Variants in PIGN observed in about 807,000 individuals in gnomAD.
The protein encoded by PIGN is phosphatidylinositol glycan anchor biosynthesis class N, also known as GPI ethanolamine phosphate transferase 1.
In PIGN, 117 loss-of-function variants were observed where a neutral mutation model predicts 125.4. The observed-to-expected ratio is 0.93, with a 90% confidence interval of 0.80 to 1.09. The LOEUF is 1.09. Ranked by LOEUF, PIGN falls within the 50% of genes least tolerant of loss-of-function variation. The probability of loss-of-function intolerance (pLI) is 0.00; values close to 1 mark genes in which losing one functional copy is unlikely to be tolerated. For synonymous variants in PIGN, 392 were observed against 377.8 expected (o/e 1.04, Z -0.44); for missense variants, 1,075 against 1,094.9 (o/e 0.98, Z 0.26).
intron 15 of PIGN, 49 bp from the exon 16 acceptor site, chr18:62,113,365 C>T (rs2034959903): frequency 7.0e-7 from 1 of 1,423,818 alleles, no homozygotes; most frequent in Non-Finnish European, 9.5e-7. Flanking sequence ...AATAAGAAAA[C>T]CTACATTTTA....
chr18:62,147,653 G>A (rs1252606517), intron 8 of PIGN, among the ~76,000 whole-genome samples: 1 of 152,198 alleles, frequency 6.6e-6, no homozygotes, highest in Non-Finnish European at 1.5e-5. Flanking sequence ...TACAGCCACT[G>A]TTAGGCTAAT....
At chr18:62,105,264 A>G (rs1038069735) in intron 20 of PIGN, 2 of 220,630 alleles carry the variant, frequency 9.1e-6, no homozygotes, top group Non-Finnish European at 1.8e-5. Flanking sequence ...AGCATAAAAG[A>G]AAGAAAACCT....
chr18:62,157,258 T>A (rs567798360), intron 5 of PIGN, 31 bp from the exon 6 acceptor site: 1 of 1,089,158 alleles, frequency 9.2e-7, no homozygotes, highest in Admixed American at 1.9e-5. Context: ...GTAATAGTTA[T>A]ATACACATGG....
intron 25 of PIGN, among the ~76,000 whole-genome samples, chr18:62,087,157 G>T (rs1404242499): frequency 6.6e-6 from 1 of 152,188 alleles, no homozygotes; most frequent in African/African-American, 2.4e-5. Context: ...CACAATAAAA[G>T]AAGGTTAATG....
downstream of PIGN, among the ~76,000 whole-genome samples, chr18:62,036,631 A>G (rs936872605): frequency 6.6e-6 from 1 of 152,232 alleles, no homozygotes; most frequent in Non-Finnish European, 1.5e-5. Context: ...AGCTGTCCAC[A>G]GGGCTGGTTT....
intron 1 of PIGN, among the ~76,000 whole-genome samples, chr18:62,176,339 T>G (rs1168936512): frequency 1.3e-5 from 2 of 151,976 alleles, no homozygotes; most frequent in African/African-American, 4.8e-5. Flanking sequence ...AACATCACAG[T>G]AATTATTGCC....
At chr18:62,026,295 C>T (rs185123513) in intron 23 of PIGN, among the ~76,000 whole-genome samples, 1 of 152,116 alleles carries the variant, frequency 6.6e-6, no homozygotes. Context: ...GCTATTATGT[C>T]CATTTTCAAC....
intron 14 of PIGN, among the ~76,000 whole-genome samples, chr18:62,116,629 A>G (rs2035095513): frequency 6.6e-6 from 1 of 152,208 alleles, no homozygotes. Context: ...TGGTCTAATG[A>G]TCAGTTTATT....
intron 1 of PIGN, among the ~76,000 whole-genome samples, chr18:62,185,628 GA>G (rs1377512661): frequency 6.4e-5 from 2 of 31,204 alleles, no homozygotes; most frequent in African/African-American, 1.4e-4. Flanking sequence ...CTTTACTGTG[GA>G]ATGTTTACTA....
At chr18:62,110,845 A>AAT (rs938425499) in intron 16 of PIGN, among the ~76,000 whole-genome samples, 1 of 147,762 alleles carries the variant, frequency 6.8e-6, no homozygotes, top group Non-Finnish European at 1.5e-5. Context: ...CATAATAAAA[A>AAT]ATATATATAT....
intron 1 of PIGN, among the ~76,000 whole-genome samples, chr18:62,168,032 C>T (rs62096078): frequency 0.58 from 88,502 of 151,582 alleles, 26,582 homozygotes; most frequent in East Asian, 0.79. Context: ...CTATCTCTAC[C>T]AAAAATACAA....
Position 62,087,177 on chromosome 18 carries a change from G to A in PIGN, c.2370+1579C>T, listed in dbSNP as rs151102920. Among the ~76,000 whole-genome samples, 75 of 152,264 alleles carry A rather than the reference G, an allele frequency of 4.9e-4. 1 individual carries two copies. Among genetic ancestry groups the A allele is most frequent in the East Asian group, 3.7e-3 (19 of 5,188 alleles). On this transcript the variant is annotated intron_variant, in intron 25 of 30. Coordinates refer to ENST00000640252, the MANE Select transcript of PIGN (RefSeq NM_176787.5). ...TAAAAGAAGGTTAATGGTGGAGCATGGAGAAAAAAGTATGGCTGAAGATCA... is the reference window on the plus strand; with the variant it reads ...TAAAAGAAGGTTAATGGTGGAGCATAGAGAAAAAAGTATGGCTGAAGATCA...
chr18:62,031,987 G>C (rs2030198005), intron 23 of PIGN, among the ~76,000 whole-genome samples: 1 of 152,124 alleles, frequency 6.6e-6, no homozygotes, highest in South Asian at 2.1e-4. Flanking sequence ...AGCTTCTGGT[G>C]ACTCCAGGTG....
chr18:62,062,308 A>G (rs549520655), intron 30 of PIGN, among the ~76,000 whole-genome samples: 1 of 152,332 alleles, frequency 6.6e-6, no homozygotes, highest in South Asian at 2.1e-4. Flanking sequence ...CTAAGAGAAT[A>G]TGTGGGAAAT....
intron 30 of PIGN, among the ~76,000 whole-genome samples, chr18:62,047,935 T>C (rs2030872075): frequency 6.6e-6 from 1 of 152,132 alleles, no homozygotes; most frequent in Non-Finnish European, 1.5e-5. Flanking sequence ...AGCAATTATG[T>C]ACATACTAGA....
intron 1 of PIGN, among the ~76,000 whole-genome samples, chr18:62,174,109 G>A (rs1327082900): frequency 5.3e-5 from 8 of 151,734 alleles, no homozygotes; most frequent in South Asian, 4.2e-4. Flanking sequence ...AGCTACTCAG[G>A]AGGCTGAGGC....
chr18:62,172,263 T>C (rs2037368840), intron 1 of PIGN, among the ~76,000 whole-genome samples: 1 of 152,176 alleles, frequency 6.6e-6, no homozygotes, highest in African/African-American at 2.4e-5. Context: ...TTGTCCATAA[T>C]ATTTACCTAT....
chr18:62,108,815 T>C (rs537438675), intron 17 of PIGN, among the ~76,000 whole-genome samples: 8 of 152,342 alleles, frequency 5.3e-5, no homozygotes, highest in African/African-American at 1.9e-4. Flanking sequence ...CTCGAACTCC[T>C]GACCTCAAGT....
intron 25 of PIGN, among the ~76,000 whole-genome samples, chr18:62,085,927 C>T (rs1378571016): frequency 6.6e-6 from 1 of 152,140 alleles, no homozygotes; most frequent in East Asian, 1.9e-4. Flanking sequence ...ACCATAGACA[C>T]CCACAGAAAT....
Sources: allele counts gnomAD v4.1 joint callset (sites outside exome capture counted in the v4.1 genomes callset), GRCh38; gene constraint gnomAD v4.1.1; transcripts MANE v1.5; gene names NCBI Gene and HGNC (gene_info 2026-07-23, HGNC 2026-07-21).